The following NEB variants were observed in gnomAD, a reference collection of about 807,000 sequenced individuals.
The protein encoded by NEB is nemaline myopathy type 2.
A neutral mutation model predicts 952.2 loss-of-function variants in NEB; 512 were observed. The observed-to-expected ratio is 0.54, with a 90% CI of 0.50 to 0.58. The LOEUF is 0.58. NEB is among the 20% of genes least tolerant of loss of function. The pLI is 0.00. For synonymous variants in NEB, 2,900 were observed against 3,149.8 expected (o/e 0.92, Z 2.66); for missense variants, 8,428 against 9,231.1 (o/e 0.91, Z 3.56).
intron 117 of NEB, 149 bp downstream of exon 117, chr2:151,564,895 T>C (rs1166709140): frequency 3.9e-6 from 2 of 515,152 alleles, no homozygotes; most frequent in Non-Finnish European, 6.8e-6. Flanking sequence ...AATAACATGG[T>C]ACTTCTAATA....
In NEB at chr2:151,570,566, C is replaced by T. The variant is rs140688592; in HGVS notation, c.17049G>A (p.Ala5683=). The T allele has an allele frequency of 1.2e-5, 19 of 1,605,680 alleles. No homozygotes were observed. The highest frequency in any genetic ancestry group is 4.0e-5 in the African/African-American group (3 of 74,638). Residue 5683 remains alanine, a synonymous_variant, in exon 108 of 182, where the codon GCG becomes GCA. Coordinates refer to ENST00000397345, the MANE Select transcript of NEB (RefSeq NM_001164508.2). ...TGGCATCCAGCCGGACATCACAGCCCGCCTTCATTTCATCCCAGCCCTCAC... is the reference window on the plus strand; with the variant it reads ...TGGCATCCAGCCGGACATCACAGCCTGCCTTCATTTCATCCCAGCCCTCAC... ...LYREGWDEMK[A]GCDVRLDAIP...
intron 143 of NEB, chr2:151,532,133 G>T: frequency 2.8e-6 from 1 of 354,366 alleles, no homozygotes; most frequent in Non-Finnish European, 5.2e-6. Flanking sequence ...GTCTTACTCT[G>T]TCACCCAGGC....
At position 151,518,424 on chromosome 2, in the gene NEB, T is replaced by TG; in HGVS notation, c.22696-3dup. ...CTCATACTTCTTCTTGTACTGGTAC[T>TG]GAGGGGAAGGCGGCAAAAAAGGCAC... On this transcript the variant is annotated splice_region_variant and splice_polypyrimidine_tract_variant and intron_variant, in intron 155 of 181. Transcript: ENST00000397345. 6.3e-7 allele frequency: 1 copy of TG among 1,585,408 alleles called. No individual in the cohort carries two copies. The highest frequency in any genetic ancestry group is 8.6e-7 in the Non-Finnish European group (1 of 1,156,134).
chr2:151,657,024 G>T (rs1282077930), intron 48 of NEB, among the ~76,000 whole-genome samples: 2 of 152,144 alleles, frequency 1.3e-5, no homozygotes, highest in African/African-American at 4.8e-5. Flanking sequence ...CTATAATGGG[G>T]AAGAAATTGT....
chr2:151,727,827 G>A lies in NEB; in HGVS notation c.158C>T (p.Ala53Val), dbSNP rs1167702795. The A allele has an allele frequency of 2.5e-6, 4 of 1,613,560 alleles. No individual in the cohort carries two copies. Among genetic ancestry groups the A allele is most frequent in the Non-Finnish European group, 3.4e-6 (4 of 1,179,766 alleles). Residue 53 changes from alanine to valine, a missense_variant, in exon 5 of 182, where the codon GCA becomes GTA. This residue lies in a region of NEB where 2,851 missense variants were observed against 2,791.5 expected (regional missense o/e 1.02). Coordinates refer to ENST00000397345, the MANE Select transcript of NEB (RefSeq NM_001164508.2). ...EQSETSKPAL[A>V]QPALAQPASA... Reference sequence around the variant, plus strand: ...TGCTGGCTGTGCCAGTGCTGGCTGTGCCAGAGCTGGTTTGGAAGTTTCTGA... The same window carrying A: ...TGCTGGCTGTGCCAGTGCTGGCTGTACCAGAGCTGGTTTGGAAGTTTCTGA...
At chr2:151,492,831 G>T in intron 176 of NEB, 1 of 189,912 alleles carries the variant, frequency 5.3e-6, no homozygotes, top group Non-Finnish European at 1.1e-5. Flanking sequence ...ACATTGTAGG[G>T]AATTTGAAAG....
chr2:151,710,237 G>A (rs2099740709), intron 11 of NEB, among the ~76,000 whole-genome samples, 197 bp downstream of exon 11: 1 of 152,192 alleles, frequency 6.6e-6, no homozygotes, highest in Non-Finnish European at 1.5e-5. Flanking sequence ...ATGGCATGTG[G>A]CCAAAATAAT....
At chr2:151,540,643 TAAC>T (rs1396492253) in intron 137 of NEB, 51 bp downstream of exon 137, 4 of 1,508,356 alleles carry the variant, frequency 2.7e-6, no homozygotes, top group Admixed American at 1.7e-5. Flanking sequence ...GGGAAGGTTT[TAAC>T]AAAGTATTTT....
chr2:151,517,842 C>T lies in NEB; in HGVS notation c.22800+476G>A, dbSNP rs140549936. Among the ~76,000 whole-genome samples, 1,033 of 152,362 alleles carry T rather than the reference C, an allele frequency of 6.8e-3. 24 individuals carry two copies. The highest frequency in any genetic ancestry group is 0.038 in the Admixed American group (586 of 15,304). On this transcript the variant is annotated intron_variant, in intron 156 of 181. Coordinates refer to ENST00000397345, the MANE Select transcript of NEB (RefSeq NM_001164508.2). ...GCTCCATTATAATCTTATGGGACCA[C>T]TGTCATACAGGTGGTCTGCTGTTGA... is the stretch of plus-strand genomic sequence containing the variant.
At chr2:151,637,149 C>A (rs981718895) in intron 63 of NEB, among the ~76,000 whole-genome samples, 1 of 152,100 alleles carries the variant, frequency 6.6e-6, no homozygotes, top group Non-Finnish European at 1.5e-5. Context: ...AGACTGATAA[C>A]CTGTGGAAGC....
In NEB at chr2:151,678,172, C is replaced by CT; in HGVS notation, c.3270dup (p.Asp1091ArgfsTer3). The CT allele has an allele frequency of 1.9e-6, 3 of 1,603,922 alleles. No homozygotes were observed. The highest frequency in any genetic ancestry group is 2.6e-6 in the Non-Finnish European group (3 of 1,174,398). On this transcript the variant is annotated frameshift_variant, in exon 33 of 182. Transcript: ENST00000397345. LOFTEE classifies it high-confidence loss of function. ...ATTTTCCCTTTAGCCTTTTCATAGT[C>CT]TTTTTTGTACTGAACCTATTGTAAA...
At chr2:151,541,367 C>A (rs902739408) in intron 136 of NEB, 80 bp downstream of exon 136, 1 of 1,020,216 alleles carries the variant, frequency 9.8e-7, no homozygotes, top group Non-Finnish European at 1.5e-6. Context: ...TGTGAGTCTG[C>A]CACTGGCCAG....
chr2:151,661,377 C>T (rs991313994), intron 46 of NEB, among the ~76,000 whole-genome samples: 5 of 152,256 alleles, frequency 3.3e-5, no homozygotes, highest in South Asian at 2.1e-4. Context: ...GGGTTTGCTC[C>T]GTGGCTTAGC....
intron 27 of NEB, among the ~76,000 whole-genome samples, chr2:151,685,576 G>T (rs1212721882): frequency 1.3e-5 from 2 of 152,150 alleles, no homozygotes; most frequent in East Asian, 1.9e-4. Context: ...GCAGTTAAAA[G>T]ACTTCACAGG....
chr2:151,499,186 A>AAGAC (rs1008177849), intron 169 of NEB, 112 bp downstream of exon 169: 43 of 559,114 alleles, frequency 7.7e-5, no homozygotes, highest in Admixed American at 1.3e-4. Context: ...AGTTGGGAAA[A>AAGAC]AGACAGGTCA....
At chr2:151,513,474 G>A (rs761557871) in intron 160 of NEB, 106 bp downstream of exon 160, 2 of 778,600 alleles carry the variant, frequency 2.6e-6, no homozygotes, top group East Asian at 2.7e-5. Context: ...GAATGCCATT[G>A]TATGCATGTG....
chr2:151,636,872 T>C (rs539731795), intron 63 of NEB, among the ~76,000 whole-genome samples: 1 of 152,250 alleles, frequency 6.6e-6, no homozygotes, highest in African/African-American at 2.4e-5. Context: ...ATTAAGTATA[T>C]ATACATATTA....
In NEB at chr2:151,698,877, T is replaced by C. The variant is rs1576790538; in HGVS notation, c.1153-1229A>G. 2.0e-5 allele frequency among the ~76,000 whole-genome samples: 3 copies of C among 151,724 alleles called. No homozygotes were observed. The East Asian group carries it at 5.8e-4, about 29-fold the overall frequency. On this transcript the variant is annotated intron_variant, in intron 13 of 181. Coordinates refer to ENST00000397345, the MANE Select transcript of NEB (RefSeq NM_001164508.2). The stretch of plus-strand genomic sequence containing the variant: ...ATGGTCTCCATCTCTTTTTTTTTTT[T>C]TTTAATTATACTTTAAGTTTTAGGG...
chr2:151,675,975 A>G (rs2099356407), intron 34 of NEB, among the ~76,000 whole-genome samples: 1 of 152,206 alleles, frequency 6.6e-6, no homozygotes, highest in Admixed American at 6.5e-5. Context: ...AAAGTATGTG[A>G]TGCAGAAATC....
Sources: allele counts gnomAD v4.1 joint callset (sites outside exome capture counted in the v4.1 genomes callset), GRCh38; gene constraint gnomAD v4.1.1; regional missense constraint gnomAD v4.1.1; transcripts MANE v1.5; gene names NCBI Gene and HGNC (gene_info 2026-07-23, HGNC 2026-07-21).